Variants in AKAP13 observed in about 807,000 individuals in gnomAD.
The protein encoded by AKAP13 is A-kinase anchor protein 13.
Under a neutral mutation model 264.5 loss-of-function variants are expected in AKAP13, and 80 were observed. That is an observed-to-expected ratio of 0.30 (90% CI 0.25 to 0.36). The LOEUF (loss-of-function observed/expected upper bound fraction) is 0.36. AKAP13 is among the 10% of genes least tolerant of loss of function. The pLI is 1.00. For synonymous variants in AKAP13, 1,380 were observed against 1,250.2 expected, an observed-to-expected ratio of 1.10 and a Z score of -2.19; for missense variants, 3,712 against 3,435.2, an observed-to-expected ratio of 1.08 and a Z score of -2.01.
Position 85,722,304 on chromosome 15 carries a change from C to G in AKAP13, c.6453C>G (p.Thr2151=), listed in dbSNP as rs779873568. 1.9e-6 allele frequency: 3 copies of G among 1,613,394 alleles called. No individual in the cohort carries two copies. The highest frequency in any genetic ancestry group is 2.5e-6 in the Non-Finnish European group (3 of 1,179,788). The change falls in exon 25 of 37, where the codon ACC becomes ACG. Residue 2151 remains threonine, a synonymous_variant. Coordinates refer to ENST00000394518, the MANE Select transcript of AKAP13 (RefSeq NM_007200.5). ...TATTGCTTGTAACTCAGCGGATTAC[C>G]AAGTACCCAGTTTTATTCCAAAGAA... ...ECILLVTQRI[T]KYPVLFQRIL... is the part of the protein sequence containing the mutation.
chr15:85,396,525 A>G (rs2071120844), intron 1 of AKAP13, among the ~76,000 whole-genome samples: 1 of 152,236 alleles, frequency 6.6e-6, no homozygotes, highest in Non-Finnish European at 1.5e-5. Flanking sequence ...TATAATTCAT[A>G]TACCATAAAA....
intron 26 of AKAP13, among the ~76,000 whole-genome samples, chr15:85,725,886 T>C (rs1012984547): frequency 6.6e-6 from 1 of 152,238 alleles, no homozygotes; most frequent in Non-Finnish European, 1.5e-5. Flanking sequence ...GTGTGGCCAC[T>C]CTTTGTTCTT....
At chr15:85,496,842 T>G (rs1466023027) in intron 2 of AKAP13, among the ~76,000 whole-genome samples, 1 of 152,236 alleles carries the variant, frequency 6.6e-6, no homozygotes, top group Admixed American at 6.5e-5. Context: ...GCCAGAAGAA[T>G]AAGGAAATCA....
At chr15:85,556,998 C>T (rs2078171826) in intron 5 of AKAP13, among the ~76,000 whole-genome samples, 1 of 152,230 alleles carries the variant, frequency 6.6e-6, no homozygotes, top group Non-Finnish European at 1.5e-5. Flanking sequence ...TTTGTGTATA[C>T]ACTTCCTTTT....
intron 1 of AKAP13, among the ~76,000 whole-genome samples, chr15:85,399,527 A>AAAAAAAAAAAAATAAAT (rs1567038675): frequency 1.7e-5 from 2 of 114,740 alleles, no homozygotes; most frequent in African/African-American, 3.6e-5. Flanking sequence ...AAAAAATAAA[A>AAAAAAAAAAAAATAAAT]AAATAAAAAA....
At chr15:85,710,387 T>G in intron 18 of AKAP13, 192 bp from the exon 19 acceptor site, 3 of 517,058 alleles carry the variant, frequency 5.8e-6, no homozygotes, top group Non-Finnish European at 6.9e-6. Flanking sequence ...ATAGACAGCA[T>G]CTACGGCATT....
chr15:85,581,615 G>C lies in AKAP13; in HGVS notation c.3547G>C (p.Ala1183Pro), dbSNP rs2079143367. The C allele has an allele frequency of 6.2e-7, 1 of 1,614,062 alleles. No individual in the cohort carries two copies. Among genetic ancestry groups the C allele is most frequent in the African/African-American group, 1.3e-5 (1 of 74,916 alleles). ...TGAGGAAGCCCAAATAGACGATGAA[G>C]CACATCCTGTCCTACTGCAGCCTGT... The part of the protein sequence containing the change: ...DAEEAQIDDE[A>P]HPVLLQPVAK... Residue 1183 changes from alanine (A) to proline (P), a missense_variant, in exon 7 of 37, where the codon GCA becomes CCA. By Grantham distance (27) the Ala-to-Pro change is conservative (BLOSUM62 -1). Around this residue, in one of 3 missense-constraint regions of AKAP13, gnomAD observed 2,759 missense variants for 2,411.7 expected, o/e 1.14. Transcript: ENST00000394518.
intron 1 of AKAP13, among the ~76,000 whole-genome samples, chr15:85,399,427 C>T (rs1488375057): frequency 5.0e-5 from 7 of 138,912 alleles, no homozygotes; most frequent in East Asian, 2.1e-4. Flanking sequence ...ACCCGGGAAG[C>T]GGAGCTTGCA....
intron 8 of AKAP13, among the ~76,000 whole-genome samples, chr15:85,590,651 A>G (rs1167783864): frequency 1.3e-5 from 2 of 152,210 alleles, no homozygotes; most frequent in Admixed American, 6.5e-5. Flanking sequence ...AATGTTCACA[A>G]TTTTTGAGGC....
intron 8 of AKAP13, among the ~76,000 whole-genome samples, chr15:85,623,003 C>T (rs1331607230): frequency 6.6e-6 from 1 of 152,146 alleles, no homozygotes; most frequent in African/African-American, 2.4e-5. Context: ...CATTTTGTCC[C>T]ATGATTTTTA....
intron 1 of AKAP13, among the ~76,000 whole-genome samples, chr15:85,386,916 C>T (rs1187472476): frequency 1.3e-5 from 2 of 152,052 alleles, no homozygotes; most frequent in African/African-American, 2.4e-5. Context: ...TGTGAGTTAT[C>T]TTATTATTTT....
rs1468459652 is a variant in AKAP13 at position 85,664,773 on chromosome 15, C to G, written c.4992+18C>G. On this transcript the variant is annotated intron_variant, in intron 13 of 36. Coordinates refer to ENST00000394518, the MANE Select transcript of AKAP13 (RefSeq NM_007200.5). ...ATCAGCAGGTAAGTCTTAAATATGT[C>G]TAATTTGGAAAAAATATATTTCACA... 1.9e-6 allele frequency: 3 copies of G among 1,593,190 alleles called. No homozygotes were observed. Among genetic ancestry groups the G allele is most frequent in the Admixed American group, 3.5e-5 (2 of 57,074 alleles).
intron 1 of AKAP13, among the ~76,000 whole-genome samples, chr15:85,457,024 A>T (rs907419860): frequency 5.3e-5 from 8 of 152,172 alleles, no homozygotes; most frequent in African/African-American, 1.9e-4. Flanking sequence ...GTTTTCTTGT[A>T]TACTTCCCCA....
chr15:85,744,386 C>T (rs1222579048), intron 36 of AKAP13: 1 of 509,184 alleles, frequency 2.0e-6, no homozygotes, highest in African/African-American at 2.0e-5. Context: ...AGTACATTTT[C>T]CTGGCCTCTT....
intron 1 of AKAP13, among the ~76,000 whole-genome samples, chr15:85,399,572 T>C (rs1208995756): frequency 2.1e-5 from 3 of 145,130 alleles, no homozygotes; most frequent in African/African-American, 7.8e-5. Flanking sequence ...TTAGATGCCA[T>C]AAGATAATTA....
Position 85,645,904 on chromosome 15 carries a change from G to T in AKAP13, c.4324G>T (p.Asp1442Tyr). ...VLKRESGSDSDLFHSPSDDMD... is the reference protein window; with the variant it reads ...VLKRESGSDSYLFHSPSDDMD... ...TAAAAGAGAATCTGGGAGTGATTCT[G>T]ACCTCTTTCACTCACCCAGTGATGA... Residue 1442 changes from aspartate (D) to tyrosine (Y), a missense_variant, in exon 10 of 37, where the codon GAC becomes TAC. By Grantham distance (160) the Asp-to-Tyr change is radical (BLOSUM62 -3). Coordinates refer to ENST00000394518, the MANE Select transcript of AKAP13 (RefSeq NM_007200.5). 6.2e-7 allele frequency: 1 copy of T among 1,613,562 alleles called. No homozygotes were observed. The highest frequency in any genetic ancestry group is 8.5e-7 in the Non-Finnish European group (1 of 1,179,912).
intron 2 of AKAP13, among the ~76,000 whole-genome samples, chr15:85,491,555 G>A (rs976326102): frequency 7.0e-6 from 1 of 143,052 alleles, no homozygotes; most frequent in Non-Finnish European, 1.5e-5. Context: ...ATATATTTTA[G>A]CAGATTTGGC....
chr15:85,563,057 C>T (rs890352622), intron 5 of AKAP13, among the ~76,000 whole-genome samples: 5 of 151,808 alleles, frequency 3.3e-5, no homozygotes, highest in African/African-American at 4.8e-5. Context: ...CTCATAGAAG[C>T]GAAATAATTT....
At chr15:85,713,843 A>G (rs898895846) in intron 19 of AKAP13, among the ~76,000 whole-genome samples, 2 of 152,188 alleles carry the variant, frequency 1.3e-5, no homozygotes, top group African/African-American at 2.4e-5. Flanking sequence ...CAACCTGTGA[A>G]TGGGACAGCA....
Sources: gnomAD v4.1 joint callset for allele counts (sites outside exome capture counted in the v4.1 genomes callset) on GRCh38, gnomAD v4.1.1 for gene constraint, gnomAD v4.1.1 regional missense constraint, MANE v1.5 for transcripts, NCBI Gene and HGNC (gene_info 2026-07-23, HGNC 2026-07-21) for gene names.